Variants in CNTN5 observed in about 807,000 individuals in gnomAD.
The protein encoded by CNTN5 is contactin 5, also known as contactin-5.
Under a neutral mutation model 129.1 loss-of-function variants are expected in CNTN5, and 77 were observed. The ratio of observed to expected loss-of-function variants is 0.60; its 90% CI spans 0.50 to 0.72. The LOEUF (loss-of-function observed/expected upper bound fraction) is 0.72. CNTN5 is among the 30% of genes least tolerant of loss of function. The pLI, the probability that CNTN5 is intolerant of heterozygous loss-of-function variation, is 0.00. For synonymous variants in CNTN5, 509 were observed against 465.6 expected, an observed-to-expected ratio of 1.09 and a Z score of -1.20; for missense variants, 1,478 against 1,328.8, an observed-to-expected ratio of 1.11 and a Z score of -1.75.
Position 100,191,266 on chromosome 11 carries a change from G to A in CNTN5, c.1708+13G>A, listed in dbSNP as rs745900570. ...CTATCTGTAAAAGGTAAGACAGCAC[G>A]GGTAAATGTTTTACAAGCATAGTCT... On this transcript the variant is annotated intron_variant, in intron 14 of 24. Coordinates refer to ENST00000524871, the MANE Select transcript of CNTN5 (RefSeq NM_014361.4). 1.9e-6 allele frequency: 3 copies of A among 1,604,912 alleles called. No individual in the cohort carries two copies. Among genetic ancestry groups the A allele is most frequent in the South Asian group, 2.2e-5 (2 of 89,662 alleles).
chr11:100,044,789 C>A (rs149665374), intron 9 of CNTN5, among the ~76,000 whole-genome samples: 1 of 151,976 alleles, frequency 6.6e-6, no homozygotes. Flanking sequence ...TGTCTGTTCA[C>A]GCTGTTGATT....
intron 13 of CNTN5, among the ~76,000 whole-genome samples, chr11:100,088,220 A>G (rs1054965764): frequency 7.9e-5 from 12 of 151,834 alleles, no homozygotes; most frequent in African/African-American, 2.9e-4. Context: ...TCAAGAAAAA[A>G]TGGATAAATT....
At chr11:100,233,998 C>T (rs559468567) in intron 16 of CNTN5, among the ~76,000 whole-genome samples, 20 of 152,134 alleles carry the variant, frequency 1.3e-4, no homozygotes, top group Non-Finnish European at 2.6e-4. Flanking sequence ...AGGATATGGA[C>T]GCTTCTCAAA....
At chr11:99,289,010 A>G (rs1348675293) in intron 1 of CNTN5, among the ~76,000 whole-genome samples, 1 of 151,760 alleles carries the variant, frequency 6.6e-6, no homozygotes, top group African/African-American at 2.4e-5. Context: ...TCAGATCTAG[A>G]TTTCCTTCCC....
chr11:99,136,207 T>A (rs1859209500), intron 1 of CNTN5, among the ~76,000 whole-genome samples: 1 of 152,160 alleles, frequency 6.6e-6, no homozygotes, highest in Non-Finnish European at 1.5e-5. Context: ...CACTTGACAA[T>A]CTTGTGTATT....
chr11:100,264,817 C>T (rs1430139009), intron 17 of CNTN5, among the ~76,000 whole-genome samples: 1 of 152,090 alleles, frequency 6.6e-6, no homozygotes, highest in African/African-American at 2.4e-5. Context: ...CACTGTCTTC[C>T]CCAAGGGTCG....
intron 4 of CNTN5, among the ~76,000 whole-genome samples, chr11:99,827,151 G>C (rs1166602727): frequency 1.3e-5 from 2 of 152,094 alleles, no homozygotes; most frequent in African/African-American, 4.8e-5. Flanking sequence ...GCAATGGCCT[G>C]ATCTTGGCTC....
intron 13 of CNTN5, among the ~76,000 whole-genome samples, chr11:100,169,338 G>A (rs112525029): frequency 2.6e-4 from 39 of 151,978 alleles, no homozygotes; most frequent in African/African-American, 8.2e-4. Context: ...AAACTGTATC[G>A]TTGTCTTATT....
intron 1 of CNTN5, among the ~76,000 whole-genome samples, chr11:99,171,241 A>G (rs1003996546): frequency 6.6e-6 from 1 of 152,216 alleles, no homozygotes; most frequent in Admixed American, 6.5e-5. Flanking sequence ...GTACTAATAA[A>G]AAACAAGCAA....
chr11:99,712,498 C>T (rs978631393), intron 3 of CNTN5, among the ~76,000 whole-genome samples: 1 of 152,042 alleles, frequency 6.6e-6, no homozygotes, highest in African/African-American at 2.4e-5. Context: ...TCCCATTTGT[C>T]TATTTTGGCT....
intron 1 of CNTN5, among the ~76,000 whole-genome samples, chr11:99,199,947 A>G (rs1278834019): frequency 6.6e-6 from 1 of 150,920 alleles, no homozygotes; most frequent in South Asian, 2.1e-4. Context: ...TACTTTGCGA[A>G]CACCAATATA....
chr11:99,656,476 G>A (rs1454348595), intron 3 of CNTN5, among the ~76,000 whole-genome samples: 1 of 152,136 alleles, frequency 6.6e-6, no homozygotes, highest in Non-Finnish European at 1.5e-5. Context: ...AAAGCTAAAT[G>A]CCTGCCCTTT....
At chr11:99,890,856 G>T (rs1040330191) in intron 6 of CNTN5, among the ~76,000 whole-genome samples, 2 of 152,122 alleles carry the variant, frequency 1.3e-5, no homozygotes, top group East Asian at 1.9e-4. Flanking sequence ...ATGAATCCTG[G>T]ATAAGCTGTG....
chr11:99,684,849 T>G lies in CNTN5; in HGVS notation c.55+128580T>G, dbSNP rs183741455. Among the ~76,000 whole-genome samples, 876 of 151,860 alleles carry G rather than the reference T, an allele frequency of 5.8e-3. 14 individuals carry two copies. Among genetic ancestry groups the G allele is most frequent in the African/African-American group, 0.02 (830 of 41,500 alleles). On this transcript the variant is annotated intron_variant, in intron 3 of 24. Transcript: ENST00000524871. ...GAATTTATATCTTCTCTTTCTCTTTTTTTCCATTGGTGATTCTTCAAAAAT... is the reference window on the plus strand; with the variant it reads ...GAATTTATATCTTCTCTTTCTCTTTGTTTCCATTGGTGATTCTTCAAAAAT...
intron 13 of CNTN5, among the ~76,000 whole-genome samples, chr11:100,131,109 G>A (rs916762176): frequency 9.4e-5 from 13 of 137,936 alleles, no homozygotes; most frequent in South Asian, 2.2e-4. Flanking sequence ...AATTAAGCAC[G>A]GGAGTTATCT....
At chr11:100,139,228 A>C (rs1946616954) in intron 13 of CNTN5, among the ~76,000 whole-genome samples, 1 of 152,166 alleles carries the variant, frequency 6.6e-6, no homozygotes, top group African/African-American at 2.4e-5. Context: ...ATAGATTATA[A>C]TTAAAGCCCC....
intron 1 of CNTN5, among the ~76,000 whole-genome samples, chr11:99,205,848 G>C (rs746664997): frequency 6.6e-6 from 1 of 151,884 alleles, no homozygotes; most frequent in Non-Finnish European, 1.5e-5. Flanking sequence ...AAAAAGAAAA[G>C]GCTCATTGGA....
rs190350147 is a variant in CNTN5, at chr11:99,739,181, C to T, written c.56-80363C>T. On this transcript the variant is annotated intron_variant, in intron 3 of 24. Coordinates refer to ENST00000524871, the MANE Select transcript of CNTN5 (RefSeq NM_014361.4). Reference sequence around the variant, plus strand: ...TACCACATAGAGCATAATTGTTATTCCCTTATGAACTTTAAAAGTTTATTT... The same window carrying T: ...TACCACATAGAGCATAATTGTTATTTCCTTATGAACTTTAAAAGTTTATTT... Among the ~76,000 whole-genome samples the T allele has an allele frequency of 1.8e-3, 277 of 152,120 alleles. 2 individuals carry two copies. The highest frequency in any genetic ancestry group is 1.3e-3 in the Non-Finnish European group (86 of 67,980).
chr11:100,183,121 T>C (rs558816355), intron 13 of CNTN5, among the ~76,000 whole-genome samples: 13 of 152,172 alleles, frequency 8.5e-5, no homozygotes, highest in Non-Finnish European at 1.8e-4. Context: ...TACGAAGTGC[T>C]GCAAGAGCTC....
Sources: gnomAD v4.1 joint callset for allele counts (sites outside exome capture counted in the v4.1 genomes callset) on GRCh38, gnomAD v4.1.1 for gene constraint, MANE v1.5 for transcripts, NCBI Gene and HGNC (gene_info 2026-07-23, HGNC 2026-07-21) for gene names.